Variants in AFG3L2 observed in about 807,000 individuals in gnomAD.
AFG3L2 encodes the protein AFG3 like matrix AAA peptidase subunit 2.
Under a neutral mutation model 94.5 loss-of-function variants are expected in AFG3L2, and 54 were observed. The observed-to-expected ratio is 0.57, with a 90% CI of 0.46 to 0.72. The LOEUF (loss-of-function observed/expected upper bound fraction) is 0.72, where lower values mean the gene tolerates loss of function less well. Among genes scored for constraint, AFG3L2 ranks in the 30% least tolerant of loss-of-function variants. The pLI is 0.00. For missense variants in AFG3L2, 754 were observed against 994.9 expected (o/e 0.76, Z 3.26); for synonymous variants, 377 against 365.5 (o/e 1.03, Z -0.36).
intron 1 of AFG3L2, among the ~76,000 whole-genome samples, chr18:12,374,982 G>A (rs1283326353): frequency 6.6e-6 from 1 of 151,416 alleles, no homozygotes; most frequent in Non-Finnish European, 1.5e-5. Flanking sequence ...CTTGAACCCT[G>A]GAGGCGAAGG....
Position 12,329,467 on chromosome 18 carries a change from A to C in AFG3L2, c.*98T>G. On this transcript the variant is annotated 3_prime_UTR_variant, in exon 17 of 17. Transcript: ENST00000269143. ...TTCAGCTGGGCCAGTGGCTGGCTAAAATCAGCGCAGCATTCCCATTCTTCT... is the reference window on the plus strand; with the variant it reads ...TTCAGCTGGGCCAGTGGCTGGCTAACATCAGCGCAGCATTCCCATTCTTCT... 1 of 1,317,632 alleles carries C rather than the reference A, an allele frequency of 7.6e-7. No individual in the cohort carries two copies. Among genetic ancestry groups the C allele is most frequent in the Admixed American group, 1.7e-5 (1 of 59,236 alleles). The allele number at this position is 1,317,632 out of a possible 1,614,324, so 81.6% of individuals were successfully genotyped here.
intron 5 of AFG3L2, among the ~76,000 whole-genome samples, chr18:12,365,865 T>A (rs1451036399): frequency 6.8e-6 from 1 of 146,304 alleles, no homozygotes; most frequent in African/African-American, 2.6e-5. Flanking sequence ...CTACACTGCA[T>A]CAATTCTTTT....
In AFG3L2 at chr18:12,353,039, C is replaced by T; in HGVS notation, c.1284G>A (p.Glu428=). The change falls in exon 10 of 17, where the codon GAG becomes GAA. Residue 428 remains glutamate, a synonymous_variant. Coordinates refer to ENST00000269143, the MANE Select transcript of AFG3L2 (RefSeq NM_006796.3). ...RGNFGGQSEQ[E]NTLNQLLVEM... ...CCACCAGCAGCTGGTTGAGTGTGTT[C>T]TCCTGCTCACTCTGCCCTCCAAAGT... 1 of 1,614,026 alleles carries T rather than the reference C, an allele frequency of 6.2e-7. No individual in the cohort carries two copies. The highest frequency in any genetic ancestry group is 8.5e-7 in the Non-Finnish European group (1 of 1,179,994).
At chr18:12,359,808 G>A in intron 7 of AFG3L2, 119 bp downstream of exon 7, 1 of 1,334,650 alleles carries the variant, frequency 7.5e-7, no homozygotes, top group Admixed American at 1.9e-5. Context: ...TTAAAAATCT[G>A]GCCAAACTGA....
intron 13 of AFG3L2, 165 bp from the exon 14 acceptor site, chr18:12,344,412 T>C (rs187237757): frequency 6.1e-4 from 394 of 650,334 alleles, no homozygotes; most frequent in Middle Eastern, 7.0e-4. Context: ...CAGTGGCTCA[T>C]GCCTGTAATC....
chr18:12,356,860 TA>T lies in AFG3L2; in HGVS notation c.1027-30del, dbSNP rs758770880. On this transcript the variant is annotated intron_variant, in intron 8 of 16. Coordinates refer to ENST00000269143, the MANE Select transcript of AFG3L2 (RefSeq NM_006796.3). Reference sequence around the variant, plus strand: ...CAGATATGAAAAAAGAAATTACATTTAATGAGAATTCCAGAAAAGTAAATTG... The same window carrying T: ...CAGATATGAAAAAAGAAATTACATTTATGAGAATTCCAGAAAAGTAAATTG... The T allele has an allele frequency of 2.5e-6, 4 of 1,610,344 alleles. No homozygotes were observed. In the Admixed American group the frequency reaches 6.7e-5, roughly 27 times the overall value.
intron 13 of AFG3L2, among the ~76,000 whole-genome samples, chr18:12,347,518 G>A (rs981066138): frequency 1.3e-5 from 2 of 151,702 alleles, no homozygotes; most frequent in Admixed American, 6.6e-5. Context: ...CCAGCTCTAC[G>A]CCTGTTACAG....
intron 10 of AFG3L2, 107 bp downstream of exon 10, chr18:12,352,898 T>C: frequency 6.6e-7 from 1 of 1,513,044 alleles, no homozygotes; most frequent in Non-Finnish European, 9.1e-7. Context: ...GAGGATGCAG[T>C]GAGCCGAAAT....
chr18:12,353,140 G>A lies in AFG3L2; in HGVS notation c.1183C>T (p.Leu395Phe), dbSNP rs1191970934. The A allele has an allele frequency of 1.2e-6, 2 of 1,614,054 alleles. No individual in the cohort carries two copies. Among genetic ancestry groups the A allele is most frequent in the Non-Finnish European group, 1.7e-6 (2 of 1,179,980 alleles). The stretch of plus-strand genomic sequence containing the variant: ...ATGCAAGGGGCATTCTTCCGAGCAA[G>A]GGCAAATAAGTCTCGGACCTTGGCA... The part of the protein sequence containing the change: ...GPARVRDLFA[L>F]ARKNAPCILF... The change falls in exon 10 of 17, where the codon CTT (leucine) becomes TTT (phenylalanine). Residue 395 changes from leucine (L) to phenylalanine (F), a missense_variant. Leu to Phe is a conservative substitution (Grantham distance 22, BLOSUM62 0). Around this residue, in one of 4 missense-constraint regions of AFG3L2, gnomAD observed 109 missense variants for 227.1 expected, o/e 0.48. Transcript: ENST00000269143.
intron 3 of AFG3L2, among the ~76,000 whole-genome samples, chr18:12,368,563 T>C (rs1053309803): frequency 6.6e-6 from 1 of 152,166 alleles, no homozygotes; most frequent in Non-Finnish European, 1.5e-5. Context: ...GTCCTTGTTG[T>C]TGTTTTAGAC....
chr18:12,355,873 C>T (rs1908478485), intron 9 of AFG3L2, among the ~76,000 whole-genome samples: 1 of 151,850 alleles, frequency 6.6e-6, no homozygotes, highest in Admixed American at 6.6e-5. Context: ...GGTGTTTCAC[C>T]ATGTTAGCCA....
chr18:12,365,357 T>C (rs1908773690), intron 5 of AFG3L2, among the ~76,000 whole-genome samples: 1 of 152,184 alleles, frequency 6.6e-6, no homozygotes, highest in African/African-American at 2.4e-5. Flanking sequence ...CAATGACCAC[T>C]GCTTCTGAGC....
intron 12 of AFG3L2, among the ~76,000 whole-genome samples, chr18:12,349,033 T>C (rs180932892): frequency 6.6e-5 from 10 of 152,348 alleles, no homozygotes; most frequent in Admixed American, 5.9e-4. Context: ...GACCACACTA[T>C]TGTATATAAT....
chr18:12,351,549 GTT>G (rs34791958), intron 10 of AFG3L2, 136 bp from the exon 11 acceptor site: 627 of 611,948 alleles, frequency 1.0e-3, no homozygotes, highest in Middle Eastern at 1.8e-3. Context: ...AGTGTTTTTT[GTT>G]TTTTTTTTTT....
At chr18:12,349,110 A>G (rs1908233391) in intron 12 of AFG3L2, among the ~76,000 whole-genome samples, 1 of 152,188 alleles carries the variant, frequency 6.6e-6, no homozygotes, top group African/African-American at 2.4e-5. Flanking sequence ...GAAATAGGGA[A>G]TGGGAAAGGA....
At chr18:12,337,613 G>C in intron 15 of AFG3L2, 78 bp from the exon 16 acceptor site, 1 of 1,408,210 alleles carries the variant, frequency 7.1e-7, no homozygotes, top group Non-Finnish European at 1.0e-6. Context: ...GCCTGGAGCC[G>C]GCTAAAGTGC....
In AFG3L2 at chr18:12,351,085, C is replaced by T. The variant is rs769294488; in HGVS notation, c.1552G>A (p.Gly518Ser). The T allele has an allele frequency of 6.2e-7, 1 of 1,612,666 alleles. No individual in the cohort carries two copies. Among genetic ancestry groups the T allele is most frequent in the East Asian group, 2.2e-5 (1 of 44,884 alleles). The change falls in exon 12 of 17, where the codon GGT becomes AGT. Residue 518 changes from glycine (G) to serine (S), a missense_variant and splice_region_variant. Transcript: ENST00000269143. ...KLASLTPGFS[G>S]ADVANVCNEA... ...AGGGTCCTCGTTATTTTCCACTCAC[C>T]TGAAAACCCTGGAGTTAAAGATGCC...
Position 12,370,946 on chromosome 18 carries a change from A to T in AFG3L2, c.215-20T>A. The stretch of plus-strand genomic sequence containing the variant: ...CAAATCCTGTTAGAAAAAGAAAAAA[A>T]ATACTTATCTTCAAACTAAAATTCA... On this transcript the variant is annotated intron_variant, in intron 2 of 16. Coordinates refer to ENST00000269143, the MANE Select transcript of AFG3L2 (RefSeq NM_006796.3). 1 of 1,395,648 alleles carries T rather than the reference A, an allele frequency of 7.2e-7. No homozygotes were observed. The highest frequency in any genetic ancestry group is 1.0e-6 in the Non-Finnish European group (1 of 996,632). 86.5% of individuals were successfully genotyped at this position (1,395,648 alleles called of 1,614,324 possible).
intron 16 of AFG3L2, among the ~76,000 whole-genome samples, chr18:12,334,242 A>G (rs543551673): frequency 6.6e-6 from 1 of 152,336 alleles, no homozygotes; most frequent in South Asian, 2.1e-4. Flanking sequence ...AAGTACTTCA[A>G]AACTGTCCAG....
Sources: gnomAD v4.1 joint callset for allele counts (sites outside exome capture counted in the v4.1 genomes callset) on GRCh38, gnomAD v4.1.1 for gene constraint, gnomAD v4.1.1 regional missense constraint, MANE v1.5 for transcripts, NCBI Gene and HGNC (gene_info 2026-07-23, HGNC 2026-07-21) for gene names.